DCTN1: variants seen among roughly 807,000 people sequenced by gnomAD.
DCTN1 encodes the protein 150 kDa dynein-associated polypeptide.
In DCTN1, 61 loss-of-function variants were observed where a neutral mutation model predicts 161.2. That is an observed-to-expected ratio of 0.38 (90% CI 0.31 to 0.47). DCTN1 has a LOEUF of 0.47. DCTN1 is among the 20% of genes least tolerant of loss of function. DCTN1 has a pLI of 0.99. For synonymous variants in DCTN1, 653 were observed against 632.4 expected, an observed-to-expected ratio of 1.03 and a Z score of -0.49; for missense variants, 1,404 against 1,623.7, an observed-to-expected ratio of 0.86 and a Z score of 2.33.
At chr2:74,377,588 G>T in intron 3 of DCTN1, 60 bp downstream of exon 3, 3 of 1,541,428 alleles carry the variant, frequency 1.9e-6, no homozygotes, top group Non-Finnish European at 1.8e-6. Flanking sequence ...ATGTTATGAG[G>T]AGAAGTCCTG....
intron 1 of DCTN1, among the ~76,000 whole-genome samples, chr2:74,386,215 T>C (rs1401314911): frequency 6.6e-6 from 1 of 152,182 alleles, no homozygotes; most frequent in Non-Finnish European, 1.5e-5. Context: ...CTCTAGGCTC[T>C]CAAGGTTCAG....
At chr2:74,368,680 T>C (rs1337613287) in intron 16 of DCTN1, 48 bp downstream of exon 16, 4 of 1,613,788 alleles carry the variant, frequency 2.5e-6, no homozygotes, top group Non-Finnish European at 2.5e-6. Flanking sequence ...GCCTGGTTCA[T>C]GGCAAGTTCA....
upstream of DCTN1, among the ~76,000 whole-genome samples, chr2:74,383,167 AAC>A (rs1414983700): frequency 2.6e-5 from 4 of 152,232 alleles, no homozygotes; most frequent in African/African-American, 4.8e-5. Flanking sequence ...ACACAGTATG[AAC>A]AGAGGCAGAA....
Position 74,370,674 on chromosome 2 carries a change from A to G in DCTN1, c.995T>C (p.Val332Ala), listed in dbSNP as rs768734538. Residue 332 changes from valine to alanine, a missense_variant, in exon 10 of 32, where the codon GTG (valine) becomes GCG (alanine). Val to Ala is a moderately conservative substitution (Grantham distance 64, BLOSUM62 0). Around this residue, in one of 9 missense-constraint regions of DCTN1, gnomAD observed 278 missense variants for 363.8 expected, o/e 0.76. Coordinates refer to ENST00000628224, the MANE Select transcript of DCTN1 (RefSeq NM_004082.5). This position sits in a 1 kb window ranked among gnomAD's most constrained non-coding sequence, Gnocchi z 4.4. ...QQEVEALKER[V>A]DELTTDLEIL... ...CTCTAAGTCAGTAGTGAGCTCGTCCACCCGCTCCTTCAGTGCCTCCACCTC... is the reference window on the plus strand; with the variant it reads ...CTCTAAGTCAGTAGTGAGCTCGTCCGCCCGCTCCTTCAGTGCCTCCACCTC... 3.1e-6 allele frequency: 5 copies of G among 1,614,008 alleles called. No homozygotes were observed. Among genetic ancestry groups the G allele is most frequent in the Non-Finnish European group, 4.2e-6 (5 of 1,180,016 alleles).
intron 6 of DCTN1, 110 bp from the exon 7 acceptor site, chr2:74,373,058 G>A (rs1674983865): frequency 2.9e-6 from 3 of 1,038,308 alleles, no homozygotes; most frequent in South Asian, 2.6e-5. Flanking sequence ...TAACAGGAAT[G>A]GGGCTACAGT....
At position 74,375,848 on chromosome 2, in the gene DCTN1, AAGG is replaced by A. The variant is rs1419849540; in HGVS notation, c.414+891_414+893del. On this transcript the variant is annotated intron_variant, in intron 5 of 31. Coordinates refer to ENST00000628224, the MANE Select transcript of DCTN1 (RefSeq NM_004082.5). ...ACCAGGAGCTGGTTTCCCCCTGGAAAAGGAGATGTTTTCCTCTTCCCTCCCACA... is the reference window on the plus strand; with the variant it reads ...ACCAGGAGCTGGTTTCCCCCTGGAAAAGATGTTTTCCTCTTCCCTCCCACA... Among the ~76,000 whole-genome samples the A allele has an allele frequency of 3.3e-5, 5 of 152,320 alleles. No individual in the cohort carries two copies. The East Asian group carries it at 7.7e-4, about 24-fold the overall frequency.
chr2:74,371,343 T>C (rs1028184246), intron 8 of DCTN1, 167 bp from the exon 9 acceptor site: 5 of 1,475,470 alleles, frequency 3.4e-6, no homozygotes, highest in Non-Finnish European at 4.6e-6. Flanking sequence ...ACAGTATATA[T>C]GGGGAAAGTA....
In DCTN1 at chr2:74,371,001, C is replaced by T. The variant is rs1379544377; in HGVS notation, c.821G>A (p.Arg274Gln). ...KMQEQQADLQRRLKEARKEAK... is the reference protein window; with the variant it reads ...KMQEQQADLQQRLKEARKEAK... Reference sequence around the variant, plus strand: ...AACCTTTCTCGCCTCCTTGAGGCGCCGCTGCAGGTCGGCCTGCTGCTCCTG... The same window carrying T: ...AACCTTTCTCGCCTCCTTGAGGCGCTGCTGCAGGTCGGCCTGCTGCTCCTG... The change falls in exon 9 of 32, where the codon CGG (arginine) becomes CAG (glutamine). Residue 274 changes from arginine (R) to glutamine (Q), a missense_variant. This residue lies in a region of DCTN1 where 67 missense variants were observed against 116.3 expected (regional missense o/e 0.58). Transcript: ENST00000628224. 1.1e-5 allele frequency: 18 copies of T among 1,613,990 alleles called. No homozygotes were observed. Among genetic ancestry groups the T allele is most frequent in the Non-Finnish European group, 1.4e-5 (16 of 1,180,046 alleles).
chr2:74,364,997 C>T (rs1183473343), intron 26 of DCTN1, 78 bp downstream of exon 26: 3 of 1,588,146 alleles, frequency 1.9e-6, no homozygotes, highest in Non-Finnish European at 2.6e-6. Context: ...GGGGGTGGGG[C>T]AGAGGTCAAA....
Position 74,366,848 on chromosome 2 carries a change from T to C in DCTN1, c.2401A>G (p.Ile801Val), listed in dbSNP as rs573330919. 1.9e-6 allele frequency: 3 copies of C among 1,614,256 alleles called. No individual in the cohort carries two copies. Among genetic ancestry groups the C allele is most frequent in the South Asian group, 1.1e-5 (1 of 91,086 alleles). Residue 801 changes from isoleucine (I) to valine (V), a missense_variant, in exon 21 of 32, where the codon ATC (isoleucine) becomes GTC (valine). Ile to Val is a conservative substitution (Grantham distance 29). Transcript: ENST00000628224. The part of the protein sequence containing the change: ...CSDIRQFCKK[I>V]RRRMPGTDAP... ...TCTGTCCCTGGCATTCGCCTTCGGA[T>C]CTTCTTGCAGAACTGGCGGATGTCA...
At chr2:74,382,252 T>C (rs1372438212), upstream of DCTN1, among the ~76,000 whole-genome samples, 1 of 152,208 alleles carries the variant, frequency 6.6e-6, no homozygotes, top group Non-Finnish European at 1.5e-5. Flanking sequence ...ATGAAAATAA[T>C]ATCTGCCATA....
Position 74,371,166 on chromosome 2 carries a change from CCCT to C in DCTN1, c.653_655del (p.Glu218del). 2 of 1,613,668 alleles carry C rather than the reference CCCT, an allele frequency of 1.2e-6. No individual in the cohort carries two copies. The highest frequency in any genetic ancestry group is 8.5e-7 in the Non-Finnish European group (1 of 1,180,038). On this transcript the variant is annotated inframe_deletion, in exon 9 of 32. Coordinates refer to ENST00000628224, the MANE Select transcript of DCTN1 (RefSeq NM_004082.5). ...CAGGTCCCGCACCTGAGCCCTTAGT[CCCT>C]CCTCCTCCTGCAAAGGAGAGGCCTC...
At position 74,378,240 on chromosome 2, in the gene DCTN1, G is replaced by A. The variant is rs1466660197; in HGVS notation, c.39C>T (p.Pro13=). The part of the protein sequence containing the change: ...QSKRHVYSRT[P]SGSRMSAEAS... ...CCTCCGCACTCATCCTGCTGCCGCTGGGCGTCTGAAAGACACAGGTAAACA... is the reference window on the plus strand; with the variant it reads ...CCTCCGCACTCATCCTGCTGCCGCTAGGCGTCTGAAAGACACAGGTAAACA... The change falls in exon 2 of 32, where the codon CCC becomes CCT. Residue 13 remains proline (P), a synonymous_variant. Coordinates refer to ENST00000628224, the MANE Select transcript of DCTN1 (RefSeq NM_004082.5). The A allele has an allele frequency of 2.5e-6, 4 of 1,607,334 alleles. No individual in the cohort carries two copies. The highest frequency in any genetic ancestry group is 1.3e-5 in the African/African-American group (1 of 75,046).
In DCTN1 at chr2:74,370,017, T is replaced by C. The variant is rs1231902149; in HGVS notation, c.1340A>G (p.Asn447Ser). 4.3e-6 allele frequency: 7 copies of C among 1,614,008 alleles called. No homozygotes were observed. The Admixed American group carries it at 1.2e-4, about 27-fold the overall frequency. Residue 447 changes from asparagine (N) to serine (S), a missense_variant, in exon 13 of 32, where the codon AAC becomes AGC. This residue lies in a region of DCTN1 where 278 missense variants were observed against 363.8 expected (regional missense o/e 0.76). Transcript: ENST00000628224. This position sits in a 1 kb window ranked among gnomAD's most constrained non-coding sequence, Gnocchi z 4.4. ...EEMVEMLTDR[N>S]LNLEEKVREL... ...GCGCACTTTCTCTTCCAGATTCAGG[T>C]TCCGATCTGTCAGCATCTCCACCAT...
intron 26 of DCTN1, chr2:74,364,495 G>A (rs923964637): frequency 2.9e-5 from 5 of 171,928 alleles, no homozygotes; most frequent in Non-Finnish European, 6.4e-5. Context: ...TCCTGAGTCA[G>A]GTAACTGGGG....
At chr2:74,374,607 C>A (rs1370353360) in intron 5 of DCTN1, 2 of 1,260,258 alleles carry the variant, frequency 1.6e-6, no homozygotes, top group African/African-American at 1.5e-5. Flanking sequence ...CGCCAGGCTC[C>A]GGCAGGCACC....
At chr2:74,366,039 G>T (rs1023165285) in intron 23 of DCTN1, 21 bp from the exon 24 acceptor site, 3 of 1,614,028 alleles carry the variant, frequency 1.9e-6, no homozygotes, top group Non-Finnish European at 2.5e-6. Flanking sequence ...GTCGGTAGGG[G>T]GTGAGAAAGT....
chr2:74,379,480 C>T (rs1675410184), intron 1 of DCTN1, among the ~76,000 whole-genome samples: 1 of 152,142 alleles, frequency 6.6e-6, no homozygotes, highest in Non-Finnish European at 1.5e-5. Context: ...CAAATCACAC[C>T]TGGAACAGCA....
rs1486664446 is a variant in DCTN1 at position 74,370,899 on chromosome 2, G to A, written c.844-74C>T. 49 of 1,613,124 alleles carry A rather than the reference G, an allele frequency of 3.0e-5. No individual in the cohort carries two copies. Among genetic ancestry groups the A allele is most frequent in the Non-Finnish European group, 4.2e-5 (49 of 1,179,690 alleles). On this transcript the variant is annotated intron_variant, in intron 9 of 31. Coordinates refer to ENST00000628224, the MANE Select transcript of DCTN1 (RefSeq NM_004082.5). This position sits in a 1 kb window ranked among gnomAD's most constrained non-coding sequence, Gnocchi z 4.4. ...AGGCCTTTCTCACAGTATGTTCCAG[G>A]CTCCAGCTCCAGTCTAGTTTCCAGC...
Sources: allele counts gnomAD v4.1 joint callset (sites outside exome capture counted in the v4.1 genomes callset), GRCh38; gene constraint gnomAD v4.1.1; regional missense constraint gnomAD v4.1.1; non-coding constraint Gnocchi (gnomAD v3.1); transcripts MANE v1.5; gene names NCBI Gene and HGNC (gene_info 2026-07-23, HGNC 2026-07-21).